SPATA19: variants seen among roughly 807,000 people sequenced by gnomAD.
The protein encoded by SPATA19 is spermatogenesis-associated protein 19, mitochondrial.
SPATA19 carries 19 observed loss-of-function variants against 25.0 expected under a neutral mutation model. The observed-to-expected ratio is 0.76, with a 90% CI of 0.53 to 1.11. The LOEUF (loss-of-function observed/expected upper bound fraction) is 1.11, where lower values mean the gene tolerates loss of function less well. SPATA19 is among the 50% of genes most tolerant of loss of function. The probability of loss-of-function intolerance (pLI) is 0.00; values close to 1 mark genes in which losing one functional copy is unlikely to be tolerated. For missense variants in SPATA19, 222 were observed against 211.4 expected, an observed-to-expected ratio of 1.05 and a Z score of -0.31; for synonymous variants, 64 against 69.3, an observed-to-expected ratio of 0.92 and a Z score of 0.38.
intron 6 of SPATA19, 119 bp downstream of exon 6, chr11:133,841,911 G>T: frequency 1.0e-6 from 1 of 960,524 alleles, no homozygotes. Flanking sequence ...CTGAGTGCAG[G>T]CCCTTCCCCA....
At chr11:133,838,320 C>G (rs1268442460), downstream of SPATA19, among the ~76,000 whole-genome samples, 2 of 152,082 alleles carry the variant, frequency 1.3e-5, no homozygotes, top group African/African-American at 4.8e-5. Context: ...ATCAAAAACA[C>G]TATATAGGAA....
At chr11:133,836,961 A>C (rs758733366), downstream of SPATA19, among the ~76,000 whole-genome samples, 13 of 152,144 alleles carry the variant, frequency 8.5e-5, no homozygotes, top group Non-Finnish European at 1.8e-4. Context: ...TCTCCTCTCT[A>C]ATAATAATAC....
At chr11:133,839,931 C>G (rs906397757), downstream of SPATA19, among the ~76,000 whole-genome samples, 1 of 151,942 alleles carries the variant, frequency 6.6e-6, no homozygotes, top group Non-Finnish European at 1.5e-5. Flanking sequence ...ACAACAGATC[C>G]TGGAATCTCA....
rs1938380793 is a variant in SPATA19 at position 133,844,580 on chromosome 11, C to A, written c.196G>T (p.Gly66Cys). The change falls in exon 3 of 7, where the codon GGT becomes TGT. Residue 66 changes from glycine (G) to cysteine (C), a missense_variant. Gly to Cys is a radical substitution (Grantham distance 159). Transcript: ENST00000299140. ...TCAGTGGACATCTTCTCCCTTACACCCTGGGAAGGGTGGTTGATGGACAGC... is the reference window on the plus strand; with the variant it reads ...TCAGTGGACATCTTCTCCCTTACACACTGGGAAGGGTGGTTGATGGACAGC... ...EKLSINHPSQ[G>C]VREKMSTDSP... 1 of 1,613,868 alleles carries A rather than the reference C, an allele frequency of 6.2e-7. No homozygotes were observed. The highest frequency in any genetic ancestry group is 1.7e-5 in the Admixed American group (1 of 59,978).
At chr11:133,841,645 A>T (rs961222593) in intron 6 of SPATA19, among the ~76,000 whole-genome samples, 6 of 152,212 alleles carry the variant, frequency 3.9e-5, no homozygotes, top group Admixed American at 1.3e-4. Context: ...CACTCCTGAC[A>T]CTACGATCTG....
At chr11:133,844,015 A>C (rs1375632100) in intron 4 of SPATA19, among the ~76,000 whole-genome samples, 1 of 152,268 alleles carries the variant, frequency 6.6e-6, no homozygotes. Context: ...GAAGCATTTA[A>C]GAAATGGAGT....
At chr11:133,839,365 G>A (rs943498085), downstream of SPATA19, among the ~76,000 whole-genome samples, 1 of 152,158 alleles carries the variant, frequency 6.6e-6, no homozygotes, top group African/African-American at 2.4e-5. Context: ...AAAATGATGA[G>A]TTAATGTCCT....
intron 6 of SPATA19, among the ~76,000 whole-genome samples, chr11:133,841,125 C>A (rs898175172): frequency 1.8e-4 from 28 of 152,154 alleles, no homozygotes; most frequent in African/African-American, 6.5e-4. Flanking sequence ...AGACAACCCT[C>A]CAAAGTAGAT....
At chr11:133,840,399 T>G (rs1397758085), downstream of SPATA19, among the ~76,000 whole-genome samples, 1 of 152,172 alleles carries the variant, frequency 6.6e-6, no homozygotes, top group Non-Finnish European at 1.5e-5. Context: ...AACATAAATG[T>G]CTGAAACAAA....
At position 133,844,968 on chromosome 11, in the gene SPATA19, A is replaced by G. The variant is rs115837612; in HGVS notation, c.135+166T>C. Among the ~76,000 whole-genome samples the G allele has an allele frequency of 3.2e-3, 485 of 152,316 alleles. 2 individuals carry two copies. The highest frequency in any genetic ancestry group is 0.011 in the African/African-American group (438 of 41,566). On this transcript the variant is annotated intron_variant, in intron 2 of 6. Coordinates refer to ENST00000299140, the MANE Select transcript of SPATA19 (RefSeq NM_174927.3). ...CATTTCCTGCCAGGACACAAGCCAC[A>G]GTGTCCTCCAGCACATGTGAAGAAA...
intron 1 of SPATA19, 62 bp from the exon 2 acceptor site, chr11:133,845,252 G>GC (rs1938396144): frequency 4.2e-5 from 53 of 1,249,448 alleles, no homozygotes; most frequent in East Asian, 2.5e-4. Context: ...TTCCCACCCA[G>GC]CCCCCGCAAC....
chr11:133,843,126 G>A (rs917113954), intron 4 of SPATA19, among the ~76,000 whole-genome samples: 1 of 152,160 alleles, frequency 6.6e-6, no homozygotes, highest in South Asian at 2.1e-4. Context: ...TAAAATCTTT[G>A]TAGAAAATCC....
At chr11:133,845,243 T>TGGGCCCCC in intron 1 of SPATA19, 53 bp from the exon 2 acceptor site, 6 of 1,555,074 alleles carry the variant, frequency 3.9e-6, no homozygotes, top group Non-Finnish European at 2.7e-6. Context: ...ATTCAGCTCT[T>TGGGCCCCC]CCCACCCAGC....
At chr11:133,839,954 C>CAAGAT (rs1351812936), downstream of SPATA19, among the ~76,000 whole-genome samples, 3 of 151,858 alleles carry the variant, frequency 2.0e-5, no homozygotes, top group Non-Finnish European at 2.9e-5. Context: ...GAACACCAAG[C>CAAGAT]AAGATAAATG....
At chr11:133,842,722 G>C (rs1012413533) in intron 4 of SPATA19, among the ~76,000 whole-genome samples, 160 bp from the exon 5 acceptor site, 5 of 152,070 alleles carry the variant, frequency 3.3e-5, no homozygotes, top group Non-Finnish European at 5.9e-5. Flanking sequence ...TGAGCACAAA[G>C]CTTTTTTTTA....
At position 133,844,622 on chromosome 11, in the gene SPATA19, G is replaced by A. The variant is rs527347059; in HGVS notation, c.154C>T (p.Arg52Trp). The change falls in exon 3 of 7, where the codon CGG (arginine) becomes TGG (tryptophan). Residue 52 changes from arginine to tryptophan, a missense_variant. Physicochemically the swap from Arg to Trp is moderately radical, Grantham distance 101. Coordinates refer to ENST00000299140, the MANE Select transcript of SPATA19 (RefSeq NM_174927.3). ...ATGGACAGCTTTTCCTTTATGCCCC[G>A]AGAAGCCTCTTCTTCTGTCTGAAAG... ...WLKKTEEEAS[R>W]GIKEKLSINH... 53 of 1,609,934 alleles carry A rather than the reference G, an allele frequency of 3.3e-5. No individual in the cohort carries two copies. The highest frequency in any genetic ancestry group is 2.7e-4 in the South Asian group (24 of 90,278).
At position 133,842,032 on chromosome 11, in the gene SPATA19, G is replaced by A. The variant is rs760949465; in HGVS notation, c.*7C>T. 4 of 1,613,730 alleles carry A rather than the reference G, an allele frequency of 2.5e-6. No homozygotes were observed. The highest frequency in any genetic ancestry group is 1.1e-5 in the South Asian group (1 of 91,082). Reference sequence around the variant, plus strand: ...TCCTCATCCGTCAGCTCTCTCACCTGTTGCTCTCAGCAGTCTGAGGAGGAG... The same window carrying A: ...TCCTCATCCGTCAGCTCTCTCACCTATTGCTCTCAGCAGTCTGAGGAGGAG... On this transcript the variant is annotated splice_region_variant and 3_prime_UTR_variant, in exon 6 of 7. Transcript: ENST00000299140.
At chr11:133,841,112 C>A (rs575116213) in intron 6 of SPATA19, among the ~76,000 whole-genome samples, 189 bp from the exon 7 acceptor site, 1 of 152,106 alleles carries the variant, frequency 6.6e-6, no homozygotes, top group East Asian at 1.9e-4. Context: ...ACCATCACCC[C>A]CAAGACAACC....
intron 6 of SPATA19, among the ~76,000 whole-genome samples, chr11:133,841,736 A>G (rs1171294044): frequency 6.6e-6 from 1 of 152,062 alleles, no homozygotes; most frequent in Non-Finnish European, 1.5e-5. Context: ...CTCCACCACA[A>G]CCTCCTAAAC....
Sources: gnomAD v4.1 joint callset for allele counts (sites outside exome capture counted in the v4.1 genomes callset) on GRCh38, gnomAD v4.1.1 for gene constraint, MANE v1.5 for transcripts, NCBI Gene and HGNC (gene_info 2026-07-23, HGNC 2026-07-21) for gene names.